Variants in PARD3 observed in about 807,000 individuals in gnomAD.
The protein encoded by PARD3 is par-3 family cell polarity regulator, also known as partitioning defective 3 homolog.
A neutral mutation model predicts 155.4 loss-of-function variants in PARD3; 75 were observed. The observed-to-expected ratio is 0.48, with a 90% CI of 0.40 to 0.58. The LOEUF (loss-of-function observed/expected upper bound fraction) is 0.58. Among genes scored for constraint, PARD3 ranks in the 20% least tolerant of loss-of-function variants. PARD3 has a pLI of 0.00. For missense variants in PARD3, 1,642 were observed against 1,721.7 expected, an observed-to-expected ratio of 0.95 and a Z score of 0.82; for synonymous variants, 576 against 610.5, an observed-to-expected ratio of 0.94 and a Z score of 0.83.
chr10:34,684,830 CATATAT>C lies in PARD3; in HGVS notation c.222+11482_222+11487del, dbSNP rs1170617641. 7.4e-3 allele frequency among the ~76,000 whole-genome samples: 358 copies of C among 48,498 alleles called. 1 individual carries two copies. The highest frequency in any genetic ancestry group is 0.011 in the Middle Eastern group (1 of 88). The allele number at this position is 48,498 out of a possible 152,430, so 31.8% of individuals were successfully genotyped here. ...ACACACACACACACACACACACACA[CATATAT>C]ACACACACACATATATATACATGTA... On this transcript the variant is annotated intron_variant, in intron 2 of 24. Transcript: ENST00000374788.
chr10:34,151,616 TCGC>T (rs911481961), intron 22 of PARD3, among the ~76,000 whole-genome samples: 3 of 152,172 alleles, frequency 2.0e-5, no homozygotes, highest in African/African-American at 7.2e-5. Context: ...TGTTCACATC[TCGC>T]CAAGTCATAA....
rs143570106 is a variant in PARD3, at chr10:34,356,727, G to A, written c.2067+2420C>T. ...AAGGAGAAGGTTTTCCTAAGGTAAT[G>A]CATAAGTACAACAGCTGAAAAATCA... On this transcript the variant is annotated intron_variant, in intron 14 of 24. Transcript: ENST00000374788. 5.9e-5 allele frequency among the ~76,000 whole-genome samples: 9 copies of A among 152,272 alleles called. No homozygotes were observed. The East Asian group carries it at 1.5e-3, about 26-fold the overall frequency.
intron 22 of PARD3, among the ~76,000 whole-genome samples, chr10:34,143,683 G>C (rs1948318329): frequency 6.6e-6 from 1 of 152,046 alleles, no homozygotes; most frequent in African/African-American, 2.4e-5. Flanking sequence ...AGACTTTCTT[G>C]AAATGACTCA....
chr10:34,395,101 C>G (rs778996628), intron 7 of PARD3, among the ~76,000 whole-genome samples: 1 of 152,144 alleles, frequency 6.6e-6, no homozygotes, highest in African/African-American at 2.4e-5. Context: ...GTGGCGTGAT[C>G]TTGGCTCACT....
intron 2 of PARD3, among the ~76,000 whole-genome samples, chr10:34,655,864 G>A (rs2093153889): frequency 6.6e-6 from 1 of 152,154 alleles, no homozygotes. Flanking sequence ...AATGAATGAA[G>A]TCTAAGAGTA....
At chr10:34,613,438 T>C (rs1308750259) in intron 2 of PARD3, among the ~76,000 whole-genome samples, 1 of 152,220 alleles carries the variant, frequency 6.6e-6, no homozygotes, top group Non-Finnish European at 1.5e-5. Context: ...GAAGTATATC[T>C]TGTAGGAATA....
At chr10:34,285,941 A>G (rs1956366789) in intron 20 of PARD3, among the ~76,000 whole-genome samples, 1 of 152,218 alleles carries the variant, frequency 6.6e-6, no homozygotes, top group Non-Finnish European at 1.5e-5. Context: ...CCTTAAAATT[A>G]AATTTTTGAT....
At chr10:34,680,964 C>A (rs934203224) in intron 2 of PARD3, among the ~76,000 whole-genome samples, 2 of 149,556 alleles carry the variant, frequency 1.3e-5, no homozygotes, top group Admixed American at 6.7e-5. Context: ...TGCACATGTA[C>A]CCTAAAACTT....
At chr10:34,336,491 G>T (rs988170155) in intron 17 of PARD3, among the ~76,000 whole-genome samples, 4 of 152,034 alleles carry the variant, frequency 2.6e-5, no homozygotes, top group African/African-American at 9.7e-5. Context: ...AATTAGCCAA[G>T]GCAATGCATC....
chr10:34,403,330 T>C, intron 5 of PARD3, among the ~76,000 whole-genome samples: 1 of 152,216 alleles, frequency 6.6e-6, no homozygotes. Context: ...AAGCCATCTA[T>C]ATTAGGACAG....
chr10:34,503,923 T>G (rs1440896957), intron 3 of PARD3, among the ~76,000 whole-genome samples: 4 of 152,200 alleles, frequency 2.6e-5, no homozygotes, highest in Admixed American at 2.6e-4. Context: ...TTTATAGAGT[T>G]ATGAAAATCA....
chr10:34,589,636 CAAAA>C (rs35357373), intron 2 of PARD3, among the ~76,000 whole-genome samples: 2 of 84,292 alleles, frequency 2.4e-5, no homozygotes, highest in Non-Finnish European at 2.3e-5. Flanking sequence ...AGTACATGTC[CAAAA>C]AAAAAAAAAA....
chr10:34,635,486 G>A (rs1342205673), intron 2 of PARD3, among the ~76,000 whole-genome samples: 1 of 152,216 alleles, frequency 6.6e-6, no homozygotes, highest in East Asian at 1.9e-4. Flanking sequence ...GACGGTAGTG[G>A]TAAGGGGTCT....
At chr10:34,656,887 G>C (rs1311742745) in intron 2 of PARD3, among the ~76,000 whole-genome samples, 1 of 152,156 alleles carries the variant, frequency 6.6e-6, no homozygotes, top group Non-Finnish European at 1.5e-5. Context: ...CATAAAAATT[G>C]CAAAAGCATC....
At chr10:34,211,481 G>A (rs1300645193) in intron 22 of PARD3, among the ~76,000 whole-genome samples, 1 of 152,148 alleles carries the variant, frequency 6.6e-6, no homozygotes, top group Non-Finnish European at 1.5e-5. Flanking sequence ...AGGGAGCAAA[G>A]TTCTAGTTAG....
At chr10:34,168,031 C>T (rs1949616630) in intron 22 of PARD3, among the ~76,000 whole-genome samples, 1 of 149,048 alleles carries the variant, frequency 6.7e-6, no homozygotes, top group African/African-American at 2.5e-5. Flanking sequence ...AAGGTCGTGT[C>T]ATAGTAATGG....
At chr10:34,689,912 T>G (rs1185042349) in intron 2 of PARD3, among the ~76,000 whole-genome samples, 1 of 151,048 alleles carries the variant, frequency 6.6e-6, no homozygotes, top group Non-Finnish European at 1.5e-5. Flanking sequence ...ATCATCCACC[T>G]TACCCTCACT....
chr10:34,286,342 C>T (rs924602178), intron 20 of PARD3, among the ~76,000 whole-genome samples: 74 of 152,140 alleles, frequency 4.9e-4, no homozygotes, highest in Non-Finnish European at 2.4e-4. Context: ...AGAGCTTCTA[C>T]TGCTTATACT....
At chr10:34,344,008 C>T (rs1837111874) in intron 15 of PARD3, 1 of 979,372 alleles carries the variant, frequency 1.0e-6, no homozygotes, top group African/African-American at 1.8e-5. Flanking sequence ...TGTCAAATTG[C>T]TAACAAGATA....
Sources: gnomAD v4.1 joint callset for allele counts (sites outside exome capture counted in the v4.1 genomes callset) on GRCh38, gnomAD v4.1.1 for gene constraint, MANE v1.5 for transcripts, NCBI Gene and HGNC (gene_info 2026-07-23, HGNC 2026-07-21) for gene names.